Variants in SEPTIN9 observed in about 807,000 individuals in gnomAD.
SEPTIN9 encodes septin-9.
In SEPTIN9, 13 loss-of-function variants were observed where a neutral mutation model predicts 56.6. The ratio of observed to expected loss-of-function variants is 0.23; its 90% confidence interval spans 0.15 to 0.37. SEPTIN9 has a LOEUF of 0.37. Among genes scored for constraint, SEPTIN9 ranks in the 10% least tolerant of loss-of-function variants. The pLI is 1.00. For synonymous variants in SEPTIN9, 332 were observed against 334.1 expected (o/e 0.99, Z 0.07); for missense variants, 650 against 823.1 (o/e 0.79, Z 2.57).
chr17:77,469,817 C>CCATCCACG (rs1291185119), intron 3 of SEPTIN9: 1 of 150,876 alleles, frequency 6.6e-6, no homozygotes, highest in African/African-American at 2.4e-5. Flanking sequence ...ACCCATCCAC[C>CCATCCACG]CATCCACTCA....
chr17:77,400,254 A>T lies in SEPTIN9; in HGVS notation c.77-1805A>T, dbSNP rs541016118. 1.3e-5 allele frequency among the ~76,000 whole-genome samples: 2 copies of T among 152,216 alleles called. No individual in the cohort carries two copies. The highest frequency in any genetic ancestry group is 4.8e-5 in the African/African-American group (2 of 41,454). On this transcript the variant is annotated intron_variant, in intron 2 of 11. Transcript: ENST00000427177. This position sits in a 1 kb window ranked among gnomAD's most constrained non-coding sequence, Gnocchi z 4.1. ...GCATTTAAAGATCAGGAGATATCATATAAAGATCCAGATTTCTACTCTCTT... is the reference window on the plus strand; with the variant it reads ...GCATTTAAAGATCAGGAGATATCATTTAAAGATCCAGATTTCTACTCTCTT...
At position 77,499,389 on chromosome 17, in the gene SEPTIN9, C is replaced by T. The variant is rs760441943; in HGVS notation, c.*731C>T. ...TGCCATCCCCCTCTCACGCCACCCC[C>T]GCCCCCACCGGGCTGCAGGTGCTGC... On this transcript the variant is annotated 3_prime_UTR_variant, in exon 12 of 12. Transcript: ENST00000427177. 30 of 549,140 alleles carry T rather than the reference C, an allele frequency of 5.5e-5. No homozygotes were observed. The highest frequency in any genetic ancestry group is 9.2e-5 in the African/African-American group (5 of 54,604). The allele number at this position is 549,140 out of a possible 1,614,324, so 34.0% of individuals were successfully genotyped here.
chr17:77,385,988 G>C (rs1221849365), intron 2 of SEPTIN9, among the ~76,000 whole-genome samples: 1 of 152,200 alleles, frequency 6.6e-6, no homozygotes, highest in Non-Finnish European at 1.5e-5. Flanking sequence ...GGCTGGAAGG[G>C]ATCTTTCGGT....
chr17:77,476,632 C>T lies in SEPTIN9; in HGVS notation c.722-5512C>T, dbSNP rs753543171. ...TTGGGGGCAGTCCCCATCACGGGAC[C>T]GGTGACCTACTGCCACCAGCGCCAG... On this transcript the variant is annotated intron_variant, in intron 3 of 11. Transcript: ENST00000427177. The surrounding 1 kb of genome is among the most constrained non-coding windows in gnomAD (Gnocchi z 6.0). Among the ~76,000 whole-genome samples, 6 of 152,224 alleles carry T rather than the reference C, an allele frequency of 3.9e-5. No homozygotes were observed. The highest frequency in any genetic ancestry group is 1.3e-4 in the Admixed American group (2 of 15,284).
intron 2 of SEPTIN9, among the ~76,000 whole-genome samples, chr17:77,352,117 G>A (rs1386444344): frequency 6.6e-6 from 1 of 152,182 alleles, no homozygotes; most frequent in Non-Finnish European, 1.5e-5. Context: ...TCCGAAATCG[G>A]CCACGTGCGG....
At chr17:77,334,421 CAAAAAA>C (rs34122443) in intron 2 of SEPTIN9, among the ~76,000 whole-genome samples, 1 of 92,276 alleles carries the variant, frequency 1.1e-5, no homozygotes, top group South Asian at 3.6e-4. Context: ...GACTCTGTCT[CAAAAAA>C]AAAAAAAAAA....
At chr17:77,315,028 C>A (rs1186513203) in intron 2 of SEPTIN9, among the ~76,000 whole-genome samples, 1 of 152,206 alleles carries the variant, frequency 6.6e-6, no homozygotes, top group African/African-American at 2.4e-5. Context: ...GTGATCCGCA[C>A]CTTTCACTTT....
Position 77,453,970 on chromosome 17 carries a change from CT to C in SEPTIN9, c.722-28172del. 1.2e-6 allele frequency: 1 copy of C among 825,360 alleles called. No homozygotes were observed. The highest frequency in any genetic ancestry group is 1.5e-6 in the Non-Finnish European group (1 of 683,514). The allele number at this position is 825,360 out of a possible 1,614,324, so 51.1% of individuals were successfully genotyped here. On this transcript the variant is annotated intron_variant, in intron 3 of 11. Transcript: ENST00000427177. The surrounding 1 kb of genome is among the most constrained non-coding windows in gnomAD (Gnocchi z 4.4). The stretch of plus-strand genomic sequence containing the variant: ...AGAAGCCTGTCACCACCACCAGCAG[CT>C]TCCGTTATCTGGTTCTTCTGTACAT...
intron 2 of SEPTIN9, among the ~76,000 whole-genome samples, chr17:77,387,375 C>G (rs2035373867): frequency 1.3e-5 from 2 of 152,222 alleles, no homozygotes; most frequent in African/African-American, 2.4e-5. Flanking sequence ...ACCCTAAATC[C>G]AGGATACTCT....
intron 2 of SEPTIN9, among the ~76,000 whole-genome samples, chr17:77,344,638 A>G (rs1297410708): frequency 6.6e-6 from 1 of 152,160 alleles, no homozygotes; most frequent in Admixed American, 6.5e-5. Flanking sequence ...AACAGACAAA[A>G]TGTGGTCCAT....
rs138771013 is a variant in SEPTIN9, at chr17:77,445,024, T to C, written c.722-37120T>C. 1.5e-3 allele frequency: 573 copies of C among 374,812 alleles called. 2 individuals carry two copies. Among genetic ancestry groups the C allele is most frequent in the African/African-American group, 0.01 (487 of 46,992 alleles). 23.2% of individuals were successfully genotyped at this position (374,812 alleles called of 1,614,324 possible). A position where few individuals can be genotyped will look rare whatever the true frequency, so the allele number is the denominator to read the frequency against. On this transcript the variant is annotated intron_variant, in intron 3 of 11. Transcript: ENST00000427177. The surrounding 1 kb of genome is among the most constrained non-coding windows in gnomAD (Gnocchi z 4.7). ...AGAGGAACATGTCACCCAAATGTGC[T>C]GAAACAGCCCAGCAGCTGCGCTGCC...
At position 77,451,388 on chromosome 17, in the gene SEPTIN9, C is replaced by T; in HGVS notation, c.722-30756C>T. The T allele has an allele frequency of 1.0e-6, 1 of 985,860 alleles. No individual in the cohort carries two copies. Among genetic ancestry groups the T allele is most frequent in the Non-Finnish European group, 1.2e-6 (1 of 830,194 alleles). 61.1% of individuals were successfully genotyped at this position (985,860 alleles called of 1,614,324 possible). The stretch of plus-strand genomic sequence containing the variant: ...CCAGGCAGTCGAGGTCCCTCCCTAC[C>T]TCTGCCCCGCGCTCTGGGAGGCTCC... On this transcript the variant is annotated intron_variant, in intron 3 of 11. Transcript: ENST00000427177. The surrounding 1 kb of genome is among the most constrained non-coding windows in gnomAD (Gnocchi z 4.2).
At chr17:77,415,627 C>CA (rs772446190) in intron 3 of SEPTIN9, among the ~76,000 whole-genome samples, 5,998 of 62,684 alleles carry the variant, frequency 0.096, 183 homozygotes, top group Middle Eastern at 0.23. Flanking sequence ...GACTATGTCT[C>CA]AAAAAAAAAA....
chr17:77,370,387 T>A (rs912961418), intron 2 of SEPTIN9, among the ~76,000 whole-genome samples: 1 of 152,224 alleles, frequency 6.6e-6, no homozygotes, highest in African/African-American at 2.4e-5. Flanking sequence ...CTGTACTTTC[T>A]TTTCTGTCTC....
chr17:77,323,309 CT>C lies in SEPTIN9; in HGVS notation c.76+16121del, dbSNP rs543203604. 6.6e-6 allele frequency among the ~76,000 whole-genome samples: 1 copy of C among 151,540 alleles called. No individual in the cohort carries two copies. Among genetic ancestry groups the C allele is most frequent in the African/African-American group, 2.4e-5 (1 of 41,210 alleles). ...CACTCCTTCCAGCCAAGGGTCGGAG[CT>C]TTTTTTTTGTTCTGGAACGGCTTTG... On this transcript the variant is annotated intron_variant, in intron 2 of 11. Transcript: ENST00000427177. The surrounding 1 kb of genome is among the most constrained non-coding windows in gnomAD (Gnocchi z 6.8).
Position 77,319,509 on chromosome 17 carries a change from G to A in SEPTIN9, c.76+12312G>A, listed in dbSNP as rs1407540552. On this transcript the variant is annotated intron_variant, in intron 2 of 11. Transcript: ENST00000427177. This position sits in a 1 kb window ranked among gnomAD's most constrained non-coding sequence, Gnocchi z 5.3. ...TCGCCCTCTCTGCCTGGGCGGGGAC[G>A]GCAACTGCCTCTGTCACTGCAGACT... The A allele has an allele frequency of 3.9e-6, 4 of 1,038,194 alleles. No homozygotes were observed. Among genetic ancestry groups the A allele is most frequent in the Middle Eastern group, 4.4e-4 (1 of 2,278 alleles). 64.3% of individuals were successfully genotyped at this position (1,038,194 alleles called of 1,614,324 possible). A position where few individuals can be genotyped will look rare whatever the true frequency, so the allele number is the denominator to read the frequency against.
intron 2 of SEPTIN9, among the ~76,000 whole-genome samples, chr17:77,331,400 G>C (rs1299530746): frequency 1.3e-5 from 2 of 151,924 alleles, no homozygotes; most frequent in Non-Finnish European, 2.9e-5. Flanking sequence ...TGTTTGTCGA[G>C]CGGGGGCGGT....
Position 77,487,368 on chromosome 17 carries a change from A to C in SEPTIN9, c.914-56A>C. The C allele has an allele frequency of 6.4e-7, 1 of 1,555,870 alleles. No homozygotes were observed. Among genetic ancestry groups the C allele is most frequent in the East Asian group, 2.4e-5 (1 of 41,292 alleles). On this transcript the variant is annotated intron_variant, in intron 4 of 11. Coordinates refer to ENST00000427177, the MANE Select transcript of SEPTIN9 (RefSeq NM_001113491.2). The surrounding 1 kb of genome is among the most constrained non-coding windows in gnomAD (Gnocchi z 4.3). ...CCTGGGTGGGAGGGGCCCCATGTGC[A>C]GACCCTGCTGGTCTCTCCGGAGAGA...
At chr17:77,441,058 A>G (rs1190391916) in intron 3 of SEPTIN9, among the ~76,000 whole-genome samples, 1 of 152,208 alleles carries the variant, frequency 6.6e-6, no homozygotes, top group African/African-American at 2.4e-5. Flanking sequence ...TGGAGGGGCT[A>G]TTCCAGCGTT....
Sources: allele counts gnomAD v4.1 joint callset (sites outside exome capture counted in the v4.1 genomes callset), GRCh38; gene constraint gnomAD v4.1.1; non-coding constraint Gnocchi (gnomAD v3.1); transcripts MANE v1.5; gene names NCBI Gene and HGNC (gene_info 2026-07-23, HGNC 2026-07-21).